PNPLA7: variants seen among roughly 807,000 people sequenced by gnomAD.
The protein encoded by PNPLA7 is patatin like domain 7, lysophospholipase.
A neutral mutation model predicts 161.7 loss-of-function variants in PNPLA7; 153 were observed. The ratio of observed to expected loss-of-function variants is 0.95; its 90% CI spans 0.83 to 1.08. The LOEUF (loss-of-function observed/expected upper bound fraction) is 1.08, where lower values mean the gene tolerates loss of function less well. PNPLA7 is among the 50% of genes least tolerant of loss of function. The probability of loss-of-function intolerance (pLI) is 0.00; values close to 1 mark genes in which losing one functional copy is unlikely to be tolerated. For synonymous variants in PNPLA7, 809 were observed against 782.1 expected, an observed-to-expected ratio of 1.03 and a Z score of -0.57; for missense variants, 1,739 against 1,856.6, an observed-to-expected ratio of 0.94 and a Z score of 1.16.
At chr9:137,526,100 T>A (rs1835288705) in intron 8 of PNPLA7, among the ~76,000 whole-genome samples, 1 of 152,098 alleles carries the variant, frequency 6.6e-6, no homozygotes, top group African/African-American at 2.4e-5. Flanking sequence ...AGTTCCAGTA[T>A]AACTATTCTT....
Position 137,462,162 on chromosome 9 carries a change from G to A in PNPLA7, c.3645+17C>T, listed in dbSNP as rs746679527. On this transcript the variant is annotated intron_variant, in intron 31 of 34. Transcript: ENST00000406427. ...TGCCTCCGCCCGCCTCCGCCGCCGC[G>A]GGTGGCCGGCACTCACGCAGATCTC... The A allele has an allele frequency of 1.9e-6, 3 of 1,553,744 alleles. No homozygotes were observed. The East Asian group carries it at 6.9e-5, about 36-fold the overall frequency.
intron 21 of PNPLA7, among the ~76,000 whole-genome samples, chr9:137,482,991 G>A (rs565364167): frequency 6.6e-6 from 1 of 152,250 alleles, no homozygotes; most frequent in East Asian, 1.9e-4. Flanking sequence ...TCCTGCCTCA[G>A]CCTCCCTGGT....
intron 14 of PNPLA7, 80 bp from the exon 15 acceptor site, chr9:137,501,807 T>G: frequency 7.0e-7 from 1 of 1,430,242 alleles, no homozygotes; most frequent in Non-Finnish European, 9.7e-7. Context: ...CACTGGGCTG[T>G]TCAGGGGCAA....
intron 8 of PNPLA7, among the ~76,000 whole-genome samples, chr9:137,536,232 G>A (rs1032863204): frequency 6.6e-6 from 1 of 152,056 alleles, no homozygotes; most frequent in South Asian, 2.1e-4. Flanking sequence ...GATTTCTAAG[G>A]TTTCCAAACA....
chr9:137,535,095 A>G (rs1835815115), intron 8 of PNPLA7, among the ~76,000 whole-genome samples: 1 of 152,252 alleles, frequency 6.6e-6, no homozygotes. Flanking sequence ...CCTTTTACAG[A>G]GAAAGCTGGC....
chr9:137,519,546 G>A (rs1834876102), intron 11 of PNPLA7, among the ~76,000 whole-genome samples: 1 of 152,226 alleles, frequency 6.6e-6, no homozygotes. Context: ...GCCCACATGT[G>A]AGGAGATGGG....
At chr9:137,462,089 C>T in intron 31 of PNPLA7, 48 bp from the exon 32 acceptor site, 1 of 1,524,720 alleles carries the variant, frequency 6.6e-7, no homozygotes, top group Non-Finnish European at 8.8e-7. Context: ...GAGCCCCCCA[C>T]TTCCTGTGTT....
intron 11 of PNPLA7, chr9:137,516,701 C>G (rs1352634753): frequency 5.5e-6 from 1 of 183,296 alleles, no homozygotes; most frequent in Non-Finnish European, 1.0e-5. Flanking sequence ...GCCTGTGGAC[C>G]AAGCTACTCA....
chr9:137,510,678 C>T (rs1341743918), intron 12 of PNPLA7, among the ~76,000 whole-genome samples: 1 of 152,216 alleles, frequency 6.6e-6, no homozygotes, highest in East Asian at 1.9e-4. Flanking sequence ...GCTGCCTTTT[C>T]TCTTATCTCT....
chr9:137,465,172 G>T (rs1831405379), intron 26 of PNPLA7, among the ~76,000 whole-genome samples: 1 of 152,172 alleles, frequency 6.6e-6, no homozygotes, highest in Admixed American at 6.5e-5. Flanking sequence ...TGTGATGCAG[G>T]CAGTGAGAAC....
chr9:137,488,264 T>G (rs1298259150), intron 20 of PNPLA7, among the ~76,000 whole-genome samples: 2 of 152,180 alleles, frequency 1.3e-5, no homozygotes, highest in African/African-American at 4.8e-5. Context: ...GGCTCTCTGA[T>G]GTGGATTTAT....
chr9:137,495,923 G>A lies in PNPLA7; in HGVS notation c.2014-777C>T, dbSNP rs530205215. Among the ~76,000 whole-genome samples the A allele has an allele frequency of 7.2e-5, 11 of 152,236 alleles. No homozygotes were observed. The South Asian group carries it at 1.0e-3, about 14-fold the overall frequency. ...CCAGGGCCTGCTGAGCCATCGGAGCGCGGGACTCTGATGGGAAGACCTTCG... is the reference window on the plus strand; with the variant it reads ...CCAGGGCCTGCTGAGCCATCGGAGCACGGGACTCTGATGGGAAGACCTTCG... On this transcript the variant is annotated intron_variant, in intron 18 of 34. Transcript: ENST00000406427.
rs904588962 is a variant in PNPLA7 at position 137,547,841 on chromosome 9, A to G, written c.31-182T>C. Among the ~76,000 whole-genome samples, 1 of 152,218 alleles carries G rather than the reference A, an allele frequency of 6.6e-6. No homozygotes were observed. The highest frequency in any genetic ancestry group is 1.5e-5 in the Non-Finnish European group (1 of 68,030). ...GAGCCCCCTGCTAGGAAGCACTCAG[A>G]GAGCAACCTGGCTCCCTCAGTCACT... On this transcript the variant is annotated intron_variant, in intron 1 of 34. Transcript: ENST00000406427. This position sits in a 1 kb window ranked among gnomAD's most constrained non-coding sequence, Gnocchi z 4.6.
At chr9:137,507,833 C>T (rs1444157978) in intron 12 of PNPLA7, among the ~76,000 whole-genome samples, 1 of 152,148 alleles carries the variant, frequency 6.6e-6, no homozygotes, top group African/African-American at 2.4e-5. Context: ...CCGGAAGGAT[C>T]GCTTGAGCCC....
chr9:137,487,203 C>G (rs533217172), intron 20 of PNPLA7, among the ~76,000 whole-genome samples: 2 of 152,368 alleles, frequency 1.3e-5, no homozygotes, highest in Non-Finnish European at 2.9e-5. Flanking sequence ...GTGCCCATCT[C>G]TGCCTGGAGG....
At chr9:137,489,235 T>C (rs1395066358) in intron 20 of PNPLA7, among the ~76,000 whole-genome samples, 2 of 152,226 alleles carry the variant, frequency 1.3e-5, no homozygotes, top group African/African-American at 4.8e-5. Context: ...GAGCTGAAGA[T>C]GGCGCAGAAT....
In PNPLA7 at chr9:137,480,951, G is replaced by T. The variant is rs200911474; in HGVS notation, c.2411+9C>A. The T allele has an allele frequency of 6.4e-7, 1 of 1,551,332 alleles. No homozygotes were observed. Among genetic ancestry groups the T allele is most frequent in the Admixed American group, 2.0e-5 (1 of 51,000 alleles). On this transcript the variant is annotated intron_variant, in intron 22 of 34. Transcript: ENST00000406427. Reference sequence around the variant, plus strand: ...CTGGGAGGAAGGAGTCGGGGCTGGCGGCACGCACCTGTCCAGGGCAGCGGA... The same window carrying T: ...CTGGGAGGAAGGAGTCGGGGCTGGCTGCACGCACCTGTCCAGGGCAGCGGA...
Position 137,461,952 on chromosome 9 carries a change from C to A in PNPLA7, c.3735G>T (p.Pro1245=), listed in dbSNP as rs753634412. 1 of 1,587,554 alleles carries A rather than the reference C, an allele frequency of 6.3e-7. No homozygotes were observed. ...TCACCGCACTCGCGGGCTTCTTGCT[C>A]GGCCCCTGCTGGTCGCGGAGCATCT... is the stretch of plus-strand genomic sequence containing the variant. ...LEKMLRDQQG[P]SKKPASAVLT... The change falls in exon 32 of 35, where the codon CCG becomes CCT. Residue 1245 remains proline (P), a synonymous_variant. Coordinates refer to ENST00000406427, the MANE Select transcript of PNPLA7 (RefSeq NM_001098537.3).
chr9:137,548,440 C>A (rs1443531768), intron 1 of PNPLA7, among the ~76,000 whole-genome samples: 2 of 152,206 alleles, frequency 1.3e-5, no homozygotes, highest in East Asian at 3.8e-4. Flanking sequence ...GAGCAGGACT[C>A]CCATCCGTGC....
Sources: allele counts gnomAD v4.1 joint callset (sites outside exome capture counted in the v4.1 genomes callset), GRCh38; gene constraint gnomAD v4.1.1; non-coding constraint Gnocchi (gnomAD v3.1); transcripts MANE v1.5; gene names NCBI Gene and HGNC (gene_info 2026-07-23, HGNC 2026-07-21).